BLOC1S3: variants seen among roughly 807,000 people sequenced by gnomAD.
The protein encoded by BLOC1S3 is biogenesis of lysosomal organelles complex 1 subunit 3.
In BLOC1S3, 7 loss-of-function variants were observed where a neutral mutation model predicts 9.1. The observed-to-expected ratio is 0.77, with a 90% CI of 0.44 to 1.45. BLOC1S3 has a LOEUF of 1.45. BLOC1S3 is among the 40% of genes most tolerant of loss of function. The pLI is 0.01. For missense variants in BLOC1S3, 307 were observed against 315.2 expected (o/e 0.97, Z 0.20); for synonymous variants, 145 against 158.4 (o/e 0.92, Z 0.64).
chr19:45,215,619 G>A (rs1183435659), intron 3 of BLOC1S3, among the ~76,000 whole-genome samples: 1 of 152,186 alleles, frequency 6.6e-6, no homozygotes, highest in African/African-American at 2.4e-5. Flanking sequence ...CCTATGACGA[G>A]AATACTACTA....
Position 45,181,198 on chromosome 19 carries a change from T to C in BLOC1S3, c.*1293T>C, listed in dbSNP as rs1969516662. 1 of 167,364 alleles carries C rather than the reference T, an allele frequency of 6.0e-6. No individual in the cohort carries two copies. The highest frequency in any genetic ancestry group is 2.4e-5 in the African/African-American group (1 of 41,462). The allele number at this position is 167,364 out of a possible 1,614,324, so 10.4% of individuals were successfully genotyped here. ...TCGTGGGATAGGTTTTGCTTTCTTTTACTGTCTCCATCCTACTTACACCTC... is the reference window on the plus strand; with the variant it reads ...TCGTGGGATAGGTTTTGCTTTCTTTCACTGTCTCCATCCTACTTACACCTC... On this transcript the variant is annotated 3_prime_UTR_variant, in exon 2 of 2. Coordinates refer to ENST00000433642, the MANE Select transcript of BLOC1S3 (RefSeq NM_212550.5).
At chr19:45,215,287 A>G (rs565321280) in intron 3 of BLOC1S3, among the ~76,000 whole-genome samples, 3 of 152,280 alleles carry the variant, frequency 2.0e-5, no homozygotes, top group East Asian at 3.9e-4. Flanking sequence ...CCTGGGCAAC[A>G]TGGTGAAACC....
At chr19:45,199,586 T>G (rs1410740992) in intron 2 of BLOC1S3, among the ~76,000 whole-genome samples, 2 of 152,024 alleles carry the variant, frequency 1.3e-5, no homozygotes, top group Non-Finnish European at 2.9e-5. Flanking sequence ...AGTGCTGGGA[T>G]TACAGGTGTG....
In BLOC1S3 at chr19:45,179,907, C is replaced by T. The variant is rs761566196; in HGVS notation, c.*2C>T. On this transcript the variant is annotated 3_prime_UTR_variant, in exon 2 of 2. Transcript: ENST00000433642. The surrounding 1 kb of genome is among the most constrained non-coding windows in gnomAD (Gnocchi z 4.6). ...AAAGACCCGGGGCCGCGGGCCTAGC[C>T]ATGATTCTACTTCCCAACCTGACTG... 9 of 1,607,180 alleles carry T rather than the reference C, an allele frequency of 5.6e-6. No individual in the cohort carries two copies. In the African/African-American group the frequency reaches 6.8e-5, roughly 12 times the overall value.
chr19:45,192,181 C>G (rs568453370), intron 2 of BLOC1S3, among the ~76,000 whole-genome samples: 2 of 152,262 alleles, frequency 1.3e-5, no homozygotes, highest in South Asian at 4.1e-4. Context: ...AGCAGGGGAG[C>G]CTCTCCCTGT....
chr19:45,208,306 C>G (rs527874167), intron 3 of BLOC1S3, among the ~76,000 whole-genome samples: 1 of 151,864 alleles, frequency 6.6e-6, no homozygotes, highest in East Asian at 1.9e-4. Context: ...TCTATAATCT[C>G]TTAGAAATAA....
chr19:45,179,878 T>A lies in BLOC1S3; in HGVS notation c.582T>A (p.Pro194=), dbSNP rs1368206795. 6.2e-7 allele frequency: 1 copy of A among 1,608,932 alleles called. No homozygotes were observed. Among genetic ancestry groups the A allele is most frequent in the Non-Finnish European group, 8.5e-7 (1 of 1,178,226 alleles). Residue 194 remains proline (P), a synonymous_variant, in exon 2 of 2, where the codon CCT becomes CCA. Coordinates refer to ENST00000433642, the MANE Select transcript of BLOC1S3 (RefSeq NM_212550.5). The surrounding 1 kb of genome is among the most constrained non-coding windows in gnomAD (Gnocchi z 4.6). ...TCCGCGGCGTGCCAGGGACCGAGCC[T>A]GAGAAAGACCCGGGGCCGCGGGCCT... ...PDIRGVPGTE[P]EKDPGPRA
At chr19:45,188,611 T>G (rs559502902) in intron 2 of BLOC1S3, among the ~76,000 whole-genome samples, 59 of 150,658 alleles carry the variant, frequency 3.9e-4, no homozygotes, top group East Asian at 5.9e-4. Flanking sequence ...TCACTCTTGT[T>G]GCCCAGGCTG....
intron 3 of BLOC1S3, among the ~76,000 whole-genome samples, chr19:45,208,444 T>TA (rs1363524400): frequency 1.3e-5 from 2 of 151,700 alleles, no homozygotes; most frequent in Non-Finnish European, 2.9e-5. Context: ...CTGTCTCTGC[T>TA]AAAAATACAA....
At chr19:45,198,437 AC>A (rs1268443182) in intron 2 of BLOC1S3, among the ~76,000 whole-genome samples, 7 of 150,296 alleles carry the variant, frequency 4.7e-5, no homozygotes, top group Non-Finnish European at 1.0e-4. Context: ...GATTACAGGC[AC>A]CCGCCACCAC....
chr19:45,179,508 C>T lies in BLOC1S3; in HGVS notation c.212C>T (p.Pro71Leu), dbSNP rs1356353821. ...AETDSEPEPE[P>L]EPTAAPRDLP... ...ACCGACTCGGAGCCGGAGCCGGAGC[C>T]GGAACCGACGGCCGCGCCGAGGGAC... The change falls in exon 2 of 2, where the codon CCG becomes CTG. Residue 71 changes from proline to leucine, a missense_variant. Transcript: ENST00000433642. This position sits in a 1 kb window ranked among gnomAD's most constrained non-coding sequence, Gnocchi z 4.6. 1.8e-5 allele frequency: 28 copies of T among 1,523,202 alleles called. No homozygotes were observed. In the Middle Eastern group the frequency reaches 6.6e-4, roughly 36 times the overall value. 94.4% of individuals were successfully genotyped at this position (1,523,202 alleles called of 1,614,324 possible).
chr19:45,199,734 TCTC>T (rs962629018), intron 2 of BLOC1S3, among the ~76,000 whole-genome samples: 8 of 152,030 alleles, frequency 5.3e-5, no homozygotes, highest in African/African-American at 1.9e-4. Flanking sequence ...TCTTCTTTCT[TCTC>T]TTCTCTTCTC....
chr19:45,203,538 C>CTGGG (rs1371475081), intron 3 of BLOC1S3, among the ~76,000 whole-genome samples: 1 of 152,164 alleles, frequency 6.6e-6, no homozygotes, highest in Non-Finnish European at 1.5e-5. Flanking sequence ...TCCCAAAGTG[C>CTGGG]TGGGATTACA....
At chr19:45,201,622 A>G (rs1397863222) in intron 2 of BLOC1S3, among the ~76,000 whole-genome samples, 1 of 152,166 alleles carries the variant, frequency 6.6e-6, no homozygotes, top group African/African-American at 2.4e-5. Context: ...CAGGGCCTGG[A>G]GACAGAAACC....
intron 3 of BLOC1S3, among the ~76,000 whole-genome samples, chr19:45,206,541 G>A (rs1244576726): frequency 3.8e-5 from 5 of 132,634 alleles, no homozygotes; most frequent in Non-Finnish European, 4.6e-5. Context: ...CTTCTGCCTC[G>A]AACTCCTGGA....
intron 3 of BLOC1S3, among the ~76,000 whole-genome samples, chr19:45,209,430 G>T (rs1045304951): frequency 3.3e-5 from 5 of 151,222 alleles, no homozygotes; most frequent in Non-Finnish European, 5.9e-5. Context: ...TGTTATTATT[G>T]TTTTTTTCTG....
chr19:45,186,717 A>AAC (rs1297905426), downstream of BLOC1S3, among the ~76,000 whole-genome samples: 9 of 151,630 alleles, frequency 5.9e-5, no homozygotes, highest in East Asian at 1.7e-3. Flanking sequence ...CAACAACAAC[A>AAC]AAAAAAAAGT....
At chr19:45,212,846 G>C (rs1317857402) in intron 3 of BLOC1S3, 3 of 476,864 alleles carry the variant, frequency 6.3e-6, no homozygotes, top group Non-Finnish European at 1.1e-5. Context: ...GCAATCCTCC[G>C]GCCTCAGCCT....
intron 3 of BLOC1S3, chr19:45,212,598 CTTT>C (rs530736333): frequency 0.26 from 29,015 of 110,866 alleles, 4,078 homozygotes; most frequent in Middle Eastern, 0.46. Context: ...TTCCCCCTAC[CTTT>C]TTTTTTTTTT....
Sources: allele counts gnomAD v4.1 joint callset (sites outside exome capture counted in the v4.1 genomes callset), GRCh38; gene constraint gnomAD v4.1.1; non-coding constraint Gnocchi (gnomAD v3.1); transcripts MANE v1.5; gene names NCBI Gene and HGNC (gene_info 2026-07-23, HGNC 2026-07-21).